The following FHIT variants were observed in gnomAD, a reference collection of about 807,000 sequenced individuals.
The protein encoded by FHIT is bis(5'-adenosyl)-triphosphatase.
Under a neutral mutation model 17.9 loss-of-function variants are expected in FHIT, and 19 were observed. That is an observed-to-expected ratio of 1.06 (90% CI 0.74 to 1.56). The LOEUF (loss-of-function observed/expected upper bound fraction) is 1.56, where lower values mean the gene tolerates loss of function less well. Among genes scored for constraint, FHIT ranks in the 40% most tolerant of loss-of-function variants. The pLI is 0.00. For missense variants in FHIT, 248 were observed against 189.2 expected (o/e 1.31, Z -1.82); for synonymous variants, 81 against 69.7 (o/e 1.16, Z -0.81).
intron 3 of FHIT, among the ~76,000 whole-genome samples, chr3:60,922,319 T>C (rs1355240500): frequency 2.0e-5 from 3 of 152,192 alleles, no homozygotes; most frequent in African/African-American, 7.2e-5. Flanking sequence ...AAACCGTGTT[T>C]AAACTCTACA....
chr3:60,342,116 G>T (rs963689091), intron 5 of FHIT, among the ~76,000 whole-genome samples: 1 of 152,216 alleles, frequency 6.6e-6, no homozygotes, highest in African/African-American at 2.4e-5. Context: ...CCACTGCACA[G>T]GAGGTGAACT....
chr3:61,235,386 A>T (rs1393328976), intron 1 of FHIT, among the ~76,000 whole-genome samples: 12 of 152,172 alleles, frequency 7.9e-5, no homozygotes, highest in Non-Finnish European at 1.5e-5. Context: ...GAAAATCTAC[A>T]TAAAGATCTT....
intron 1 of FHIT, among the ~76,000 whole-genome samples, chr3:61,208,733 T>A (rs191955983): frequency 1.3e-5 from 2 of 152,182 alleles, no homozygotes; most frequent in Non-Finnish European, 2.9e-5. Context: ...ATGGGTTTCC[T>A]GAATACAGCA....
intron 4 of FHIT, among the ~76,000 whole-genome samples, chr3:60,716,661 G>T (rs188674450): frequency 4.9e-4 from 74 of 152,246 alleles, no homozygotes; most frequent in African/African-American, 1.7e-3. Flanking sequence ...ATGATAAAAA[G>T]CACAGTAGAT....
chr3:60,563,124 AG>A (rs2107647407), intron 4 of FHIT, among the ~76,000 whole-genome samples: 1 of 152,320 alleles, frequency 6.6e-6, no homozygotes, highest in African/African-American at 2.4e-5. Context: ...AGTGGACAAT[AG>A]CCAAGCAAGC....
intron 5 of FHIT, among the ~76,000 whole-genome samples, chr3:60,436,073 C>T (rs1005667313): frequency 7.9e-5 from 12 of 151,872 alleles, no homozygotes; most frequent in African/African-American, 1.7e-4. Flanking sequence ...GATGGAGTTT[C>T]GCTCTGTCAT....
At position 59,915,560 on chromosome 3, in the gene FHIT, A is replaced by G. The variant is rs541992412; in HGVS notation, c.348+6786T>C. Among the ~76,000 whole-genome samples, 20 of 152,236 alleles carry G rather than the reference A, an allele frequency of 1.3e-4. 1 individual carries two copies. The highest frequency in any genetic ancestry group is 4.3e-4 in the African/African-American group (18 of 41,544). ...CATTACTTTTCCTCTTTAGTGTCCA[A>G]TGACTTCATGATCTTCCTTGGAGGC... is the stretch of plus-strand genomic sequence containing the variant. On this transcript the variant is annotated intron_variant, in intron 8 of 9. Transcript: ENST00000492590.
intron 7 of FHIT, among the ~76,000 whole-genome samples, chr3:59,966,524 A>G (rs2107365263): frequency 6.6e-6 from 1 of 152,318 alleles, no homozygotes; most frequent in Non-Finnish European, 1.5e-5. Context: ...AGCTCTCTGC[A>G]CAGCTAGGCT....
chr3:60,462,121 A>T (rs1191486176), intron 5 of FHIT, among the ~76,000 whole-genome samples: 1 of 152,200 alleles, frequency 6.6e-6, no homozygotes, highest in Non-Finnish European at 1.5e-5. Context: ...CAACAAAAAC[A>T]GTTATAGCCC....
At chr3:60,672,866 C>G in intron 4 of FHIT, among the ~76,000 whole-genome samples, 1 of 33,458 alleles carries the variant, frequency 3.0e-5, no homozygotes, top group Admixed American at 2.5e-4. Flanking sequence ...AATTATACCT[C>G]TTTGTAGCGT....
chr3:60,463,389 T>C (rs1311466351), intron 5 of FHIT, among the ~76,000 whole-genome samples: 1 of 152,182 alleles, frequency 6.6e-6, no homozygotes, highest in Non-Finnish European at 1.5e-5. Context: ...TTTAATTGCA[T>C]TTAGAAGGAT....
At chr3:60,311,615 TTTTG>T (rs537032797) in intron 5 of FHIT, among the ~76,000 whole-genome samples, 171 of 152,360 alleles carry the variant, frequency 1.1e-3, no homozygotes, top group African/African-American at 3.8e-3. Flanking sequence ...TACAGTTGTA[TTTTG>T]TTTGTCTAAA....
chr3:60,442,442 T>A (rs1019792825), intron 5 of FHIT, among the ~76,000 whole-genome samples: 2 of 152,170 alleles, frequency 1.3e-5, no homozygotes, highest in Non-Finnish European at 2.9e-5. Flanking sequence ...CTTGAATTAA[T>A]TTTTGTATAA....
intron 5 of FHIT, among the ~76,000 whole-genome samples, chr3:60,253,293 C>T (rs1252397610): frequency 6.6e-6 from 1 of 152,142 alleles, no homozygotes. Context: ...TATTCTGAAT[C>T]GACATTGTAA....
At chr3:60,673,985 T>A (rs932830959) in intron 4 of FHIT, among the ~76,000 whole-genome samples, 59 of 151,956 alleles carry the variant, frequency 3.9e-4, no homozygotes, top group Non-Finnish European at 6.8e-4. Flanking sequence ...TTTTAAACTA[T>A]TTTTTTTCCT....
At chr3:61,156,004 A>G (rs745658362) in intron 2 of FHIT, among the ~76,000 whole-genome samples, 3 of 152,174 alleles carry the variant, frequency 2.0e-5, no homozygotes, top group Non-Finnish European at 4.4e-5. Context: ...CCAGCCCCCA[A>G]TAACAGCCTT....
At chr3:60,244,188 T>C (rs182811784) in intron 5 of FHIT, among the ~76,000 whole-genome samples, 2 of 152,184 alleles carry the variant, frequency 1.3e-5, no homozygotes, top group East Asian at 3.9e-4. Flanking sequence ...TTTCAACTGT[T>C]CATTCTAATG....
At chr3:60,997,685 T>C (rs1351017765) in intron 3 of FHIT, among the ~76,000 whole-genome samples, 1 of 152,208 alleles carries the variant, frequency 6.6e-6, no homozygotes, top group Non-Finnish European at 1.5e-5. Context: ...TCAGAAAGCC[T>C]GATACTAGCC....
chr3:60,931,153 G>A (rs2107365942), intron 3 of FHIT, among the ~76,000 whole-genome samples: 1 of 148,150 alleles, frequency 6.7e-6, no homozygotes, highest in South Asian at 2.2e-4. Context: ...TCATAGCTGG[G>A]AATTGAACAA....
Sources: allele counts gnomAD v4.1 joint callset (sites outside exome capture counted in the v4.1 genomes callset), GRCh38; gene constraint gnomAD v4.1.1; transcripts MANE v1.5; gene names NCBI Gene and HGNC (gene_info 2026-07-23, HGNC 2026-07-21).